The following PACRG variants were observed in gnomAD, a reference collection of about 807,000 sequenced individuals.
PACRG encodes the protein parkin coregulated.
Under a neutral mutation model 29.7 loss-of-function variants are expected in PACRG, and 29 were observed. The observed-to-expected ratio is 0.98, with a 90% CI of 0.73 to 1.33. The LOEUF (loss-of-function observed/expected upper bound fraction) is 1.33, where lower values mean the gene tolerates loss of function less well. Ranked by LOEUF, PACRG falls within the 40% of genes most tolerant of loss-of-function variation. PACRG has a pLI of 0.00. For synonymous variants in PACRG, 116 were observed against 118.7 expected, an observed-to-expected ratio of 0.98 and a Z score of 0.15; for missense variants, 279 against 316.2, an observed-to-expected ratio of 0.88 and a Z score of 0.89.
rs1173548945 is a variant in PACRG, at chr6:163,245,974, G to C, written c.614-68853G>C. 2.6e-5 allele frequency among the ~76,000 whole-genome samples: 4 copies of C among 152,102 alleles called. No homozygotes were observed. In the South Asian group the frequency reaches 6.2e-4, roughly 24 times the overall value. ...TCTACTCCATGGTCTTCATGAATCT[G>C]CTCACCCCTCAGCGCCTCCACCTCT... On this transcript the variant is annotated intron_variant, in intron 4 of 4. Coordinates refer to ENST00000366888, the MANE Select transcript of PACRG (RefSeq NM_001080379.2).
intron 2 of PACRG, among the ~76,000 whole-genome samples, chr6:163,014,221 G>A (rs1457104701): frequency 1.3e-5 from 2 of 152,164 alleles, no homozygotes; most frequent in Non-Finnish European, 2.9e-5. Flanking sequence ...AGTCTATGGT[G>A]TATATGTACC....
chr6:162,763,369 A>T (rs1032548904), intron 1 of PACRG, among the ~76,000 whole-genome samples: 9 of 152,212 alleles, frequency 5.9e-5, no homozygotes, highest in Non-Finnish European at 1.2e-4. Flanking sequence ...CAACGCTGAC[A>T]AGGCTCTGAT....
intron 4 of PACRG, among the ~76,000 whole-genome samples, chr6:163,243,902 T>C (rs532672537): frequency 6.6e-6 from 1 of 152,274 alleles, no homozygotes; most frequent in East Asian, 1.9e-4. Flanking sequence ...ATAAACAGGG[T>C]CCGTGATTGA....
intron 1 of PACRG, among the ~76,000 whole-genome samples, chr6:162,797,364 C>CCTTGGCAAACCTTTT (rs1785469924): frequency 6.6e-6 from 1 of 152,160 alleles, no homozygotes. Flanking sequence ...GAAATATATA[C>CCTTGGCAAACCTTTT]CTTGGCAAAC....
intron 2 of PACRG, among the ~76,000 whole-genome samples, chr6:162,998,705 C>T (rs1027545887): frequency 1.3e-5 from 2 of 152,136 alleles, no homozygotes; most frequent in Non-Finnish European, 2.9e-5. Context: ...ATTATTTCTG[C>T]TCTAGAAGCA....
chr6:162,944,919 G>A (rs1266547956), intron 2 of PACRG, among the ~76,000 whole-genome samples: 1 of 151,994 alleles, frequency 6.6e-6, no homozygotes, highest in Non-Finnish European at 1.5e-5. Flanking sequence ...AACTTATTTA[G>A]CCAAATAATA....
intron 4 of PACRG, among the ~76,000 whole-genome samples, chr6:163,193,716 A>G (rs1040121870): frequency 8.6e-5 from 13 of 152,020 alleles, no homozygotes; most frequent in Admixed American, 6.6e-5. Flanking sequence ...TTTTTGTTTC[A>G]ATATTCAAAG....
intron 4 of PACRG, among the ~76,000 whole-genome samples, chr6:163,102,631 C>T (rs1246816593): frequency 6.6e-6 from 1 of 152,202 alleles, no homozygotes; most frequent in Non-Finnish European, 1.5e-5. Context: ...CTAAGGACCA[C>T]GTGATGATAT....
intron 4 of PACRG, among the ~76,000 whole-genome samples, chr6:163,161,795 A>G (rs79130001): frequency 6.6e-6 from 1 of 152,130 alleles, no homozygotes; most frequent in Non-Finnish European, 1.5e-5. Context: ...GCTCCGTTGC[A>G]CTACCCAGCA....
intron 2 of PACRG, among the ~76,000 whole-genome samples, chr6:162,989,523 C>T (rs1803226589): frequency 6.6e-6 from 1 of 152,136 alleles, no homozygotes; most frequent in African/African-American, 2.4e-5. Flanking sequence ...CTTGAGATTA[C>T]TTATAATACC....
chr6:163,310,625 CT>C (rs1785376483), intron 4 of PACRG: 1 of 152,248 alleles, frequency 6.6e-6, no homozygotes, highest in African/African-American at 2.4e-5. Context: ...ACCGTCCTTC[CT>C]TTCTGTCTTT....
At position 162,945,447 on chromosome 6, in the gene PACRG, G is replaced by C. The variant is rs79390515; in HGVS notation, c.292-116703G>C. On this transcript the variant is annotated intron_variant, in intron 2 of 4. Coordinates refer to ENST00000366888, the MANE Select transcript of PACRG (RefSeq NM_001080379.2). ...TAATAAAGGGATCAATTCAACAAGA[G>C]GGGTAACAATTTTAAACATATGTGC... Among the ~76,000 whole-genome samples, 890 of 152,136 alleles carry C rather than the reference G, an allele frequency of 5.9e-3. 11 individuals carry two copies. Among genetic ancestry groups the C allele is most frequent in the African/African-American group, 0.021 (856 of 41,508 alleles).
intron 4 of PACRG, chr6:163,184,728 G>A (rs1317147826): frequency 1.3e-5 from 2 of 152,128 alleles, no homozygotes; most frequent in Admixed American, 6.6e-5. Context: ...AGAAAGGTTA[G>A]CAACATAAAG....
At chr6:163,241,542 G>C (rs1367243086) in intron 4 of PACRG, among the ~76,000 whole-genome samples, 3 of 152,178 alleles carry the variant, frequency 2.0e-5, no homozygotes, top group African/African-American at 7.2e-5. Context: ...CTGGGGACCA[G>C]GGTTTTGGAA....
intron 2 of PACRG, among the ~76,000 whole-genome samples, chr6:163,053,012 AT>A (rs1233328224): frequency 1.3e-5 from 2 of 152,176 alleles, no homozygotes; most frequent in East Asian, 1.9e-4. Context: ...TTTAACTGAT[AT>A]GTCTAAAACA....
intron 4 of PACRG, among the ~76,000 whole-genome samples, chr6:163,273,263 T>C (rs1034833659): frequency 2.0e-5 from 3 of 152,188 alleles, no homozygotes; most frequent in African/African-American, 7.2e-5. Context: ...ATAAGTGACA[T>C]TGGTCTATTG....
At chr6:163,031,241 A>G (rs1047183028) in intron 2 of PACRG, among the ~76,000 whole-genome samples, 3 of 152,240 alleles carry the variant, frequency 2.0e-5, no homozygotes, top group Non-Finnish European at 4.4e-5. Flanking sequence ...ATAAAGCCAA[A>G]TAAGTAAAAT....
chr6:162,837,474 G>A (rs991540798), intron 2 of PACRG, among the ~76,000 whole-genome samples: 10 of 152,036 alleles, frequency 6.6e-5, no homozygotes, highest in African/African-American at 2.2e-4. Context: ...GAGACATAAA[G>A]GGTGAATTCA....
At chr6:163,025,102 A>G (rs2128223500) in intron 2 of PACRG, among the ~76,000 whole-genome samples, 1 of 152,358 alleles carries the variant, frequency 6.6e-6, no homozygotes, top group South Asian at 2.1e-4. Context: ...AATAAGAGCC[A>G]TCTATGACAA....
Sources: gnomAD v4.1 joint callset for allele counts (sites outside exome capture counted in the v4.1 genomes callset) on GRCh38, gnomAD v4.1.1 for gene constraint, MANE v1.5 for transcripts, NCBI Gene and HGNC (gene_info 2026-07-23, HGNC 2026-07-21) for gene names.